Variants in NOTCH4 observed in about 807,000 individuals in gnomAD.
The protein encoded by NOTCH4 is notch receptor 4.
Under a neutral mutation model 189.0 loss-of-function variants are expected in NOTCH4, and 138 were observed. The ratio of observed to expected loss-of-function variants is 0.73; its 90% CI spans 0.64 to 0.84. The LOEUF (loss-of-function observed/expected upper bound fraction) is 0.84, where lower values mean the gene tolerates loss of function less well. NOTCH4 is among the 40% of genes least tolerant of loss of function. The pLI is 0.00. For missense variants in NOTCH4, 2,286 were observed against 2,605.4 expected, an observed-to-expected ratio of 0.88 and a Z score of 2.67; for synonymous variants, 942 against 1,032.8, an observed-to-expected ratio of 0.91 and a Z score of 1.69.
Position 32,220,179 on chromosome 6 carries a change from G to A in NOTCH4, c.1265C>T (p.Pro422Leu). 6.2e-7 allele frequency: 1 copy of A among 1,613,990 alleles called. No individual in the cohort carries two copies. The highest frequency in any genetic ancestry group is 1.7e-4 in the Middle Eastern group (1 of 6,016). The change falls in exon 7 of 30, where the codon CCT becomes CTT. Residue 422 changes from proline to leucine, a missense_variant. Physicochemically the swap from Pro to Leu is moderately conservative, Grantham distance 98. This residue lies in a region of NOTCH4 where 1,903 missense variants were observed against 2,261.9 expected (regional missense o/e 0.84). Coordinates refer to ENST00000375023, the MANE Select transcript of NOTCH4 (RefSeq NM_004557.4). ...LTGSTLCLCQPGYSGPTCHQD... is the reference protein window; with the variant it reads ...LTGSTLCLCQLGYSGPTCHQD... ...GTGGCAGGTGGGCCCCGAATAGCCA[G>A]GCTGACACAGGCAGAGTGTGGAGCC...
Position 32,207,656 on chromosome 6 carries a change from A to G in NOTCH4, c.2865+3096T>C, listed in dbSNP as rs927750272. Among the ~76,000 whole-genome samples, 163 of 148,410 alleles carry G rather than the reference A, an allele frequency of 1.1e-3. 1 individual carries two copies. The highest frequency in any genetic ancestry group is 2.0e-3 in the Non-Finnish European group (135 of 66,952). ...CCCCCCCCCAAAAAAAAAGAAAAAA[A>G]GAAACTAAATCTCTATCTGTCATCA... On this transcript the variant is annotated intron_variant, in intron 18 of 29. Transcript: ENST00000375023.
chr6:32,222,255 G>A (rs769124266), intron 3 of NOTCH4, among the ~76,000 whole-genome samples: 3 of 152,204 alleles, frequency 2.0e-5, no homozygotes, highest in Non-Finnish European at 4.4e-5. Context: ...GGCTAGAACA[G>A]GCATCAGGAT....
intron 18 of NOTCH4, among the ~76,000 whole-genome samples, chr6:32,205,292 G>A (rs1444568057): frequency 1.3e-5 from 2 of 152,004 alleles, no homozygotes; most frequent in South Asian, 4.2e-4. Flanking sequence ...GCTCACGCCT[G>A]TAATCCCAGC....
At chr6:32,211,825 A>G (rs534924247) in intron 17 of NOTCH4, among the ~76,000 whole-genome samples, 2 of 152,254 alleles carry the variant, frequency 1.3e-5, no homozygotes, top group Admixed American at 6.5e-5. Context: ...TTCTGCCAGA[A>G]TATTGGAGAC....
In NOTCH4 at chr6:32,212,534, A is replaced by G. The variant is rs773132868; in HGVS notation, c.2620T>C (p.Trp874Arg). 6.2e-7 allele frequency: 1 copy of G among 1,613,184 alleles called. No homozygotes were observed. The highest frequency in any genetic ancestry group is 1.1e-5 in the South Asian group (1 of 91,092). The change falls in exon 17 of 30, where the codon TGG (tryptophan) becomes CGG (arginine). Residue 874 changes from tryptophan to arginine, a missense_variant. By Grantham distance (101) the Trp-to-Arg change is moderately radical. Transcript: ENST00000375023. This position sits in a 1 kb window ranked among gnomAD's most constrained non-coding sequence, Gnocchi z 4.4. ...PSFHCLCLQG[W>R]TGPLCNLPLS... ...GGAAGGTTGCAGAGAGGCCCGGTCC[A>G]TCCCTGGAGGCACAAGCAGTGGAAG...
chr6:32,221,677 C>G lies in NOTCH4; in HGVS notation c.452-352G>C, dbSNP rs1420577018. Among the ~76,000 whole-genome samples the G allele has an allele frequency of 2.0e-5, 3 of 152,190 alleles. No homozygotes were observed. The highest frequency in any genetic ancestry group is 7.2e-5 in the African/African-American group (3 of 41,432). ...GCTGTGCCACAACTGGTTGTATACCCTTGGGTGAGCCACTTTGCCTTTCTG... is the reference window on the plus strand; with the variant it reads ...GCTGTGCCACAACTGGTTGTATACCGTTGGGTGAGCCACTTTGCCTTTCTG... On this transcript the variant is annotated intron_variant, in intron 3 of 29. Coordinates refer to ENST00000375023, the MANE Select transcript of NOTCH4 (RefSeq NM_004557.4). The surrounding 1 kb of genome is among the most constrained non-coding windows in gnomAD (Gnocchi z 4.3).
In NOTCH4 at chr6:32,201,683, C is replaced by A. The variant is rs1408162376; in HGVS notation, c.3756-183G>T. 2.0e-6 allele frequency: 1 copy of A among 488,164 alleles called. No homozygotes were observed. Among genetic ancestry groups the A allele is most frequent in the East Asian group, 3.3e-5 (1 of 30,240 alleles). 30.2% of individuals were successfully genotyped at this position (488,164 alleles called of 1,614,324 possible). ...CCAGACACCCCAATGTCTGCTAACACCCCTGTCTCCCTAGACTGTCCCCTC... is the reference window on the plus strand; with the variant it reads ...CCAGACACCCCAATGTCTGCTAACAACCCTGTCTCCCTAGACTGTCCCCTC... On this transcript the variant is annotated intron_variant, in intron 21 of 29. Coordinates refer to ENST00000375023, the MANE Select transcript of NOTCH4 (RefSeq NM_004557.4). The surrounding 1 kb of genome is among the most constrained non-coding windows in gnomAD (Gnocchi z 5.5).
rs1394212214 is a variant in NOTCH4 at position 32,217,395 on chromosome 6, G to A, written c.1625-129C>T. 9 of 638,172 alleles carry A rather than the reference G, an allele frequency of 1.4e-5. No individual in the cohort carries two copies. The highest frequency in any genetic ancestry group is 5.2e-5 in the Admixed American group (2 of 38,266). The allele number at this position is 638,172 out of a possible 1,614,324, so 39.5% of individuals were successfully genotyped here. On this transcript the variant is annotated intron_variant, in intron 9 of 29. Coordinates refer to ENST00000375023, the MANE Select transcript of NOTCH4 (RefSeq NM_004557.4). This position sits in a 1 kb window ranked among gnomAD's most constrained non-coding sequence, Gnocchi z 4.2. ...GAGAAGACACCTGGGGCAGGTGAGC[G>A]TGGGGTGACAGGAGATGATGCAGAA...
In NOTCH4 at chr6:32,210,996, T is replaced by C. The variant is rs3130294; in HGVS notation, c.2681-60A>G. The C allele has an allele frequency of 0.48, 712,344 of 1,480,100 alleles. 174,185 individuals carry two copies. The highest frequency in any genetic ancestry group is 0.59 in the South Asian group (43,991 of 74,706). 91.7% of individuals were successfully genotyped at this position (1,480,100 alleles called of 1,614,324 possible). On this transcript the variant is annotated intron_variant, in intron 17 of 29. Coordinates refer to ENST00000375023, the MANE Select transcript of NOTCH4 (RefSeq NM_004557.4). This position sits in a 1 kb window ranked among gnomAD's most constrained non-coding sequence, Gnocchi z 4.8. ...AAGTGGGGGGCCGGGCGCCATGGCT[T>C]ACGCCTGTAATCCCAGCACTTTGGG... is the stretch of plus-strand genomic sequence containing the variant.
At position 32,201,311 on chromosome 6, in the gene NOTCH4, C is replaced by A; in HGVS notation, c.3945G>T (p.Leu1315=). The part of the protein sequence containing the change: ...PPALDQQLFA[L]ARVLSLTLRV... Reference sequence around the variant, plus strand: ...TCAGAGTCAGGGACAGCACCCGGGCCAGGGCAAACAGCTGCTGGTCTAGGG... The same window carrying A: ...TCAGAGTCAGGGACAGCACCCGGGCAAGGGCAAACAGCTGCTGGTCTAGGG... The change falls in exon 22 of 30, where the codon CTG becomes CTT. Residue 1315 remains leucine, a synonymous_variant. Transcript: ENST00000375023. This position sits in a 1 kb window ranked among gnomAD's most constrained non-coding sequence, Gnocchi z 5.5. 1 of 1,612,850 alleles carries A rather than the reference C, an allele frequency of 6.2e-7. No homozygotes were observed. Among genetic ancestry groups the A allele is most frequent in the East Asian group, 2.2e-5 (1 of 44,882 alleles).
chr6:32,221,054 C>A lies in NOTCH4; in HGVS notation c.723G>T (p.Arg241Ser). Residue 241 changes from arginine to serine, a missense_variant, in exon 4 of 30, where the codon AGG becomes AGT. By Grantham distance (110) the Arg-to-Ser change is moderately radical. Around this residue, in one of 2 missense-constraint regions of NOTCH4, gnomAD observed 1,903 missense variants for 2,261.9 expected, o/e 0.84. Coordinates refer to ENST00000375023, the MANE Select transcript of NOTCH4 (RefSeq NM_004557.4). The surrounding 1 kb of genome is among the most constrained non-coding windows in gnomAD (Gnocchi z 4.3). ...GGCAGGTGCCCCCATTCGAACAGCCCCTAGGAGGGCAGGGTCCTGCCCGCA... is the reference window on the plus strand; with the variant it reads ...GGCAGGTGCCCCCATTCGAACAGCCACTAGGAGGGCAGGGTCCTGCCCGCA... ...CELRAGPCPP[R>S]GCSNGGTCQL... 1 of 1,613,036 alleles carries A rather than the reference C, an allele frequency of 6.2e-7. No homozygotes were observed. The highest frequency in any genetic ancestry group is 8.5e-7 in the Non-Finnish European group (1 of 1,179,734).
Position 32,210,804 on chromosome 6 carries a change from G to A in NOTCH4, c.2813C>T (p.Pro938Leu), listed in dbSNP as rs1788960948. 1.2e-6 allele frequency: 2 copies of A among 1,613,040 alleles called. No homozygotes were observed. ...QDHVNPCESR[P>L]CQNGATCMAQ... ...CATGCAGGTGGCCCCGTTCTGGCAA[G>A]GCCTGGACTCACATGGGTTCACGTG... is the stretch of plus-strand genomic sequence containing the variant. Residue 938 changes from proline (P) to leucine (L), a missense_variant, in exon 18 of 30, where the codon CCT becomes CTT. Around this residue, in one of 2 missense-constraint regions of NOTCH4, gnomAD observed 1,903 missense variants for 2,261.9 expected, o/e 0.84. Transcript: ENST00000375023. This position sits in a 1 kb window ranked among gnomAD's most constrained non-coding sequence, Gnocchi z 4.8.
Position 32,212,396 on chromosome 6 carries a change from G to A in NOTCH4, c.2680+78C>T. ...GGTTGTTTTGGCCAAAAGCTGTGTG[G>A]AAGCCCACAGGAACGGGGCAGGTGA... On this transcript the variant is annotated intron_variant, in intron 17 of 29. Coordinates refer to ENST00000375023, the MANE Select transcript of NOTCH4 (RefSeq NM_004557.4). The surrounding 1 kb of genome is among the most constrained non-coding windows in gnomAD (Gnocchi z 4.4). 1 of 1,410,018 alleles carries A rather than the reference G, an allele frequency of 7.1e-7. No individual in the cohort carries two copies. Among genetic ancestry groups the A allele is most frequent in the Non-Finnish European group, 9.6e-7 (1 of 1,037,712 alleles). 87.3% of individuals were successfully genotyped at this position (1,410,018 alleles called of 1,614,324 possible). A position where few individuals can be genotyped will look rare whatever the true frequency, so the allele number is the denominator to read the frequency against.
Position 32,196,393 on chromosome 6 carries a change from G to A in NOTCH4, c.5229C>T (p.Ala1743=), listed in dbSNP as rs765300793. The A allele has an allele frequency of 3.1e-6, 5 of 1,613,016 alleles. No individual in the cohort carries two copies. Among genetic ancestry groups the A allele is most frequent in the Non-Finnish European group, 1.7e-6 (2 of 1,180,050 alleles). The part of the protein sequence containing the change: ...WGKTALHWAA[A]VNNARAARSL... ...AGCGGGCGGCTCGGGCGTTGTTCAC[G>A]GCAGCAGCCCAGTGCAGCGCAGTTT... is the stretch of plus-strand genomic sequence containing the variant. The change falls in exon 29 of 30, where the codon GCC becomes GCT. Residue 1743 remains alanine (A), a synonymous_variant. Coordinates refer to ENST00000375023, the MANE Select transcript of NOTCH4 (RefSeq NM_004557.4).
intron 8 of NOTCH4, among the ~76,000 whole-genome samples, chr6:32,218,697 A>C (rs1008819500): frequency 6.6e-6 from 1 of 152,088 alleles, no homozygotes; most frequent in Admixed American, 6.5e-5. Flanking sequence ...CTTGATATCT[A>C]CAATGTTGTC....
intron 17 of NOTCH4, among the ~76,000 whole-genome samples, chr6:32,211,258 T>TCAAA (rs56957733): frequency 0.2 from 29,328 of 145,934 alleles, 3,295 homozygotes; most frequent in Middle Eastern, 0.34. Context: ...AGACTCCATC[T>TCAAA]CAAACAAACA....
In NOTCH4 at chr6:32,195,630, C is replaced by CT; in HGVS notation, c.5818_5819insA (p.Arg1940GlnfsTer9). 1 of 1,612,910 alleles carries CT rather than the reference C, an allele frequency of 6.2e-7. No homozygotes were observed. The highest frequency in any genetic ancestry group is 8.5e-7 in the Non-Finnish European group (1 of 1,179,912). ...GTCATCCGTTGAGACCCTGCCTCCG[C>CT]GCCCGGCAGCCACTCCGTATCTTCC... is the stretch of plus-strand genomic sequence containing the variant. On this transcript the variant is annotated frameshift_variant, in exon 30 of 30. Coordinates refer to ENST00000375023, the MANE Select transcript of NOTCH4 (RefSeq NM_004557.4). LOFTEE classifies it low-confidence loss of function (END_TRUNC). This position sits in a 1 kb window ranked among gnomAD's most constrained non-coding sequence, Gnocchi z 5.4.
chr6:32,195,422 C>T lies in NOTCH4; in HGVS notation c.*15G>A, dbSNP rs1297545476. Reference sequence around the variant, plus strand: ...GGGTAATCATTTTTGGAATTCCTCCCTACCATGTATTCTTCTATTTTTTAC... The same window carrying T: ...GGGTAATCATTTTTGGAATTCCTCCTTACCATGTATTCTTCTATTTTTTAC... On this transcript the variant is annotated 3_prime_UTR_variant, in exon 30 of 30. Transcript: ENST00000375023. The surrounding 1 kb of genome is among the most constrained non-coding windows in gnomAD (Gnocchi z 5.4). The T allele has an allele frequency of 8.4e-6, 13 of 1,553,348 alleles. No individual in the cohort carries two copies. The highest frequency in any genetic ancestry group is 1.1e-5 in the Non-Finnish European group (13 of 1,149,448).
rs1175742868 is a variant in NOTCH4, at chr6:32,199,178, C to T, written c.4316-33G>A. On this transcript the variant is annotated intron_variant, in intron 23 of 29. Transcript: ENST00000375023. This position sits in a 1 kb window ranked among gnomAD's most constrained non-coding sequence, Gnocchi z 4.9. ...GAGAGACAGAGTCACAAAGAGAGGC[C>T]ACTCCTGGTGAGACTGATTACTATT... is the stretch of plus-strand genomic sequence containing the variant. 1.2e-5 allele frequency: 18 copies of T among 1,496,752 alleles called. No individual in the cohort carries two copies. Among genetic ancestry groups the T allele is most frequent in the Non-Finnish European group, 1.5e-5 (17 of 1,108,424 alleles). The allele number at this position is 1,496,752 out of a possible 1,614,324, so 92.7% of individuals were successfully genotyped here. A position where few individuals can be genotyped will look rare whatever the true frequency, so the allele number is the denominator to read the frequency against.
Sources: allele counts gnomAD v4.1 joint callset (sites outside exome capture counted in the v4.1 genomes callset), GRCh38; gene constraint gnomAD v4.1.1; regional missense constraint gnomAD v4.1.1; non-coding constraint Gnocchi (gnomAD v3.1); transcripts MANE v1.5; gene names NCBI Gene and HGNC (gene_info 2026-07-23, HGNC 2026-07-21).